The following NEXMIF variants were observed in gnomAD, a reference collection of about 807,000 sequenced individuals.
NEXMIF encodes neurite extension and migration factor, also known as XLMR protein related to neurite extension.
NEXMIF carries 8 observed loss-of-function variants against 62.1 expected under a neutral mutation model. That is an observed-to-expected ratio of 0.13 (90% confidence interval 0.08 to 0.23). The LOEUF is 0.23. Among genes scored for constraint, NEXMIF ranks in the 10% least tolerant of loss-of-function variants. NEXMIF has a pLI of 1.00. For synonymous variants in NEXMIF, 404 were observed against 416.6 expected (o/e 0.97, Z 0.37); for missense variants, 976 against 1,113.3 (o/e 0.88, Z 1.75).
At chrX:74,740,039 G>T in intron 3 of NEXMIF, 61 bp downstream of exon 3, 1 of 1,056,042 alleles carries the variant, frequency 9.5e-7, no homozygotes, top group Non-Finnish European at 1.3e-6. Flanking sequence ...GGGACTGCGG[G>T]CTTAGTAGGT....
At position 74,740,267 on chromosome X, in the gene NEXMIF, C is replaced by G. The variant is rs954974268; in HGVS notation, c.4290G>C (p.Lys1430Asn). ...EDSRSTFFDK[K>N]YSNMSTLGNN... is the part of the protein sequence containing the mutation. The stretch of plus-strand genomic sequence containing the variant: ...TGCCTAAAGTGCTCATGTTACTATA[C>G]TTTTTATCAAAGAAGGTAGAGCGAG... Residue 1430 changes from lysine to asparagine, a missense_variant, in exon 3 of 4, where the codon AAG (lysine) becomes AAC (asparagine). Lys to Asn is a moderately conservative substitution (Grantham distance 94, BLOSUM62 0). Around this residue, in one of 5 missense-constraint regions of NEXMIF, gnomAD observed 137 missense variants for 128.9 expected, o/e 1.06. Coordinates refer to ENST00000055682, the MANE Select transcript of NEXMIF (RefSeq NM_001008537.3). 5 of 1,211,380 alleles carry G rather than the reference C, an allele frequency of 4.1e-6. No individual in the cohort carries two copies. Among genetic ancestry groups the G allele is most frequent in the Non-Finnish European group, 5.6e-6 (5 of 895,453 alleles).
At chrX:74,796,670 C>T (rs1430033523) in intron 1 of NEXMIF, among the ~76,000 whole-genome samples, 1 of 110,637 alleles carries the variant, frequency 9.0e-6, no homozygotes, top group Non-Finnish European at 1.9e-5. Context: ...AAAGCAGGAG[C>T]ATTTGAGTAA....
intron 1 of NEXMIF, among the ~76,000 whole-genome samples, chrX:74,914,966 T>C (rs996428703): frequency 1.8e-5 from 2 of 112,494 alleles, no homozygotes; most frequent in Non-Finnish European, 3.7e-5. Context: ...ATTCCATTTA[T>C]ATAAAAATCT....
intron 1 of NEXMIF, among the ~76,000 whole-genome samples, chrX:74,854,301 A>T (rs1218093588): frequency 8.9e-6 from 1 of 112,323 alleles, no homozygotes; most frequent in African/African-American, 3.2e-5. Context: ...CAATACATCA[A>T]ATCAACAGAA....
intron 1 of NEXMIF, among the ~76,000 whole-genome samples, chrX:74,907,258 G>C (rs1399421578): frequency 2.7e-5 from 3 of 110,982 alleles, no homozygotes; most frequent in Non-Finnish European, 5.7e-5. Flanking sequence ...GAGGTAGTTT[G>C]GGAAGGTGGT....
intron 1 of NEXMIF, among the ~76,000 whole-genome samples, chrX:74,864,644 C>A (rs2080570859): frequency 8.9e-6 from 1 of 112,205 alleles, no homozygotes; most frequent in African/African-American, 3.2e-5. Context: ...TGAGGCCTTC[C>A]CAGCCATGGG....
intron 1 of NEXMIF, among the ~76,000 whole-genome samples, chrX:74,754,832 G>C (rs930271976): frequency 4.5e-5 from 5 of 111,195 alleles, no homozygotes; most frequent in African/African-American, 9.8e-5. Context: ...ATGCATAAAT[G>C]GTTCCAAGTA....
At position 74,920,208 on chromosome X, in the gene NEXMIF, T is replaced by C. The variant is rs750611278; in HGVS notation, c.-48+4675A>G. 7.7e-3 allele frequency among the ~76,000 whole-genome samples: 848 copies of C among 110,731 alleles called. 9 individuals are homozygous for C. The highest frequency in any genetic ancestry group is 0.027 in the African/African-American group (816 of 30,399). On this transcript the variant is annotated intron_variant, in intron 1 of 3. Transcript: ENST00000055682. ...TCCCTGAGGAATCGCCACACTGACT[T>C]CCACAAGGGTTGAACTAGTTTACAG...
chrX:74,850,479 G>T (rs1019539736), intron 1 of NEXMIF, among the ~76,000 whole-genome samples: 2 of 112,039 alleles, frequency 1.8e-5, no homozygotes, highest in Admixed American at 9.5e-5. Context: ...TGACAGGTAT[G>T]CTAGGCCTAC....
intron 1 of NEXMIF, among the ~76,000 whole-genome samples, chrX:74,906,675 G>C (rs1398078923): frequency 9.1e-6 from 1 of 110,170 alleles, no homozygotes; most frequent in Non-Finnish European, 1.9e-5. Context: ...AATCATATGG[G>C]GAATATGGTT....
At chrX:74,789,141 C>A (rs1461300029) in intron 1 of NEXMIF, among the ~76,000 whole-genome samples, 2 of 82,446 alleles carry the variant, frequency 2.4e-5, no homozygotes, top group African/African-American at 9.1e-5. Flanking sequence ...CCCACCCCAC[C>A]ACAGTCCCCA....
At chrX:74,800,697 A>G (rs1215991358) in intron 1 of NEXMIF, among the ~76,000 whole-genome samples, 7 of 111,521 alleles carry the variant, frequency 6.3e-5, no homozygotes, top group Non-Finnish European at 9.4e-5. Flanking sequence ...AATTAAAATT[A>G]AAAATATATT....
chrX:74,900,462 CA>C (rs758887978), intron 1 of NEXMIF, among the ~76,000 whole-genome samples: 232 of 33,374 alleles, frequency 7.0e-3, no homozygotes, highest in African/African-American at 0.013. Flanking sequence ...GACTCCGTCT[CA>C]AAAAAAAAAA....
At chrX:74,765,390 T>C (rs1012753425) in intron 1 of NEXMIF, among the ~76,000 whole-genome samples, 2 of 111,827 alleles carry the variant, frequency 1.8e-5, no homozygotes, top group African/African-American at 6.5e-5. Flanking sequence ...CTTACCACTC[T>C]GTGCTTTTTA....
chrX:74,805,246 T>C (rs1048416565), intron 1 of NEXMIF, among the ~76,000 whole-genome samples: 1 of 111,740 alleles, frequency 8.9e-6, no homozygotes, highest in East Asian at 2.8e-4. Flanking sequence ...GAAGGTGCTT[T>C]GTGTGTGTGT....
Position 74,759,336 on chromosome X carries a change from T to C in NEXMIF, c.-47-13639A>G, listed in dbSNP as rs752563947. Among the ~76,000 whole-genome samples the C allele has an allele frequency of 8.9e-5, 10 of 112,547 alleles. No individual in the cohort carries two copies. In the East Asian group the frequency reaches 2.8e-3, roughly 31 times the overall value. ...TAAAAATTTTCTCCCATTCTGTAGC[T>C]TGTCTGTTCACTCTGTTGATAGTTT... On this transcript the variant is annotated intron_variant, in intron 1 of 3. Coordinates refer to ENST00000055682, the MANE Select transcript of NEXMIF (RefSeq NM_001008537.3).
intron 1 of NEXMIF, among the ~76,000 whole-genome samples, chrX:74,919,339 T>C (rs2080818282): frequency 9.0e-6 from 1 of 111,512 alleles, no homozygotes; most frequent in Non-Finnish European, 1.9e-5. Flanking sequence ...AGGAAAAAGA[T>C]AGGTTGAGCT....
intron 1 of NEXMIF, among the ~76,000 whole-genome samples, chrX:74,818,107 T>TA (rs751265273): frequency 2.9e-3 from 319 of 108,590 alleles, no homozygotes; most frequent in African/African-American, 9.8e-3. Context: ...AAAAAAATTA[T>TA]AAAAAAAATT....
chrX:74,910,352 C>T (rs1267851175), intron 1 of NEXMIF, among the ~76,000 whole-genome samples: 1 of 112,435 alleles, frequency 8.9e-6, no homozygotes, highest in Non-Finnish European at 1.9e-5. Context: ...TAGAATTTGA[C>T]TGCCATGCTG....
Sources: allele counts gnomAD v4.1 joint callset (sites outside exome capture counted in the v4.1 genomes callset), GRCh38; gene constraint gnomAD v4.1.1; regional missense constraint gnomAD v4.1.1; transcripts MANE v1.5; gene names NCBI Gene and HGNC (gene_info 2026-07-23, HGNC 2026-07-21).